KCNT2: variants seen among roughly 807,000 people sequenced by gnomAD.
KCNT2 encodes the protein potassium channel subfamily T member 2.
KCNT2 carries 67 observed loss-of-function variants against 153.8 expected under a neutral mutation model. The observed-to-expected ratio is 0.44, with a 90% confidence interval of 0.36 to 0.53. KCNT2 has a LOEUF of 0.53. KCNT2 is among the 20% of genes least tolerant of loss of function. The pLI is 0.00. For missense variants in KCNT2, 975 were observed against 1,354.8 expected (o/e 0.72, Z 4.40); for synonymous variants, 500 against 458.8 (o/e 1.09, Z -1.15).
chr1:196,597,298 A>T (rs1441001231), intron 1 of KCNT2, among the ~76,000 whole-genome samples: 1 of 152,106 alleles, frequency 6.6e-6, no homozygotes, highest in African/African-American at 2.4e-5. Flanking sequence ...GGAAGATTAC[A>T]TGAAAGACTG....
intron 16 of KCNT2, among the ~76,000 whole-genome samples, chr1:196,336,094 A>C (rs547823502): frequency 6.6e-6 from 1 of 152,102 alleles, no homozygotes; most frequent in South Asian, 2.1e-4. Context: ...GAATACACCC[A>C]GACAGTTTAG....
chr1:196,334,483 C>CTTTATTTTTTTTTTTTTTTTTT (rs757677685), intron 16 of KCNT2, among the ~76,000 whole-genome samples: 1 of 42,340 alleles, frequency 2.4e-5, no homozygotes, highest in Non-Finnish European at 3.9e-5. Context: ...TTCTTTCTTT[C>CTTTATTTTTTTTTTTTTTTTTT]TTTCTTTTTT....
At chr1:196,289,588 G>A (rs546516892) in intron 22 of KCNT2, among the ~76,000 whole-genome samples, 105 of 152,146 alleles carry the variant, frequency 6.9e-4, no homozygotes, top group Admixed American at 2.6e-3. Flanking sequence ...AGAAACAAAC[G>A]TTCGAGGTTC....
chr1:196,398,737 T>G, intron 12 of KCNT2, 66 bp from the exon 13 acceptor site: 2 of 851,430 alleles, frequency 2.3e-6, no homozygotes, highest in Non-Finnish European at 3.7e-6. Context: ...AAAGTAAAAG[T>G]AAGCAATCAG....
chr1:196,368,864 T>C (rs995202029), intron 14 of KCNT2, among the ~76,000 whole-genome samples: 1 of 152,138 alleles, frequency 6.6e-6, no homozygotes, highest in Non-Finnish European at 1.5e-5. Context: ...ACATTATGTC[T>C]TCATCAGAAA....
At chr1:196,298,354 C>T (rs981895743) in intron 22 of KCNT2, among the ~76,000 whole-genome samples, 6 of 152,148 alleles carry the variant, frequency 3.9e-5, no homozygotes, top group Non-Finnish European at 8.8e-5. Context: ...TTTGGGGCTT[C>T]CCATAAACCC....
At chr1:196,555,496 T>A (rs1036614988) in intron 1 of KCNT2, among the ~76,000 whole-genome samples, 1 of 150,852 alleles carries the variant, frequency 6.6e-6, no homozygotes, top group African/African-American at 2.4e-5. Context: ...TGTAAGAAAT[T>A]AAAGAGGACA....
intron 1 of KCNT2, among the ~76,000 whole-genome samples, chr1:196,568,519 C>G (rs1378486836): frequency 6.6e-6 from 1 of 151,592 alleles, no homozygotes; most frequent in East Asian, 1.9e-4. Context: ...TGGAGTGAAC[C>G]CGGGAAGCGG....
intron 3 of KCNT2, among the ~76,000 whole-genome samples, chr1:196,485,212 C>A (rs1679324248): frequency 6.6e-6 from 1 of 151,850 alleles, no homozygotes; most frequent in African/African-American, 2.4e-5. Flanking sequence ...AACCAAACAC[C>A]ACATATTCTC....
intron 7 of KCNT2, among the ~76,000 whole-genome samples, chr1:196,466,575 C>A (rs369587724): frequency 6.6e-6 from 1 of 151,900 alleles, no homozygotes; most frequent in Admixed American, 6.6e-5. Context: ...TAATATTGAG[C>A]CCTTACTTTG....
At chr1:196,404,768 A>T (rs1429012599) in intron 12 of KCNT2, among the ~76,000 whole-genome samples, 1 of 151,670 alleles carries the variant, frequency 6.6e-6, no homozygotes, top group East Asian at 1.9e-4. Context: ...GGCAAGGGCC[A>T]TGTCTACATT....
intron 8 of KCNT2, among the ~76,000 whole-genome samples, chr1:196,449,082 A>T (rs1433650655): frequency 6.6e-6 from 1 of 151,714 alleles, no homozygotes; most frequent in Non-Finnish European, 1.5e-5. Context: ...GCAAACAAAC[A>T]AACAAACAAA....
intron 8 of KCNT2, among the ~76,000 whole-genome samples, chr1:196,431,182 AAT>A (rs1339020044): frequency 6.6e-6 from 1 of 152,152 alleles, no homozygotes; most frequent in Non-Finnish European, 1.5e-5. Flanking sequence ...AACTGTGAGA[AAT>A]ATGTTTCTGT....
chr1:196,269,783 A>T lies in KCNT2; in HGVS notation c.2910+11077T>A, dbSNP rs544298737. ...ATGGCGGAAGTTTCAAATACAGGTCATGCATCTTGCATTCATACAAGTATG... is the reference window on the plus strand; with the variant it reads ...ATGGCGGAAGTTTCAAATACAGGTCTTGCATCTTGCATTCATACAAGTATG... On this transcript the variant is annotated intron_variant, in intron 25 of 27. Coordinates refer to ENST00000294725, the MANE Select transcript of KCNT2 (RefSeq NM_198503.5). Among the ~76,000 whole-genome samples, 11 of 152,254 alleles carry T rather than the reference A, an allele frequency of 7.2e-5. No homozygotes were observed. In the South Asian group the frequency reaches 2.3e-3, roughly 32 times the overall value.
chr1:196,281,834 G>A (rs967690951), intron 24 of KCNT2, among the ~76,000 whole-genome samples: 2 of 150,870 alleles, frequency 1.3e-5, no homozygotes, highest in Non-Finnish European at 2.9e-5. Context: ...TCGGCTCACT[G>A]CAAGCTCTGC....
chr1:196,342,333 G>T, intron 14 of KCNT2, 105 bp from the exon 15 acceptor site: 1 of 896,232 alleles, frequency 1.1e-6, no homozygotes, highest in Non-Finnish European at 1.6e-6. Flanking sequence ...GTAAGAACTG[G>T]CAAGCACAAT....
At chr1:196,517,658 G>C (rs1652765086) in intron 1 of KCNT2, among the ~76,000 whole-genome samples, 1 of 152,112 alleles carries the variant, frequency 6.6e-6, no homozygotes, top group Non-Finnish European at 1.5e-5. Context: ...AGAACAAGCT[G>C]AGGAAAGAAT....
chr1:196,450,182 AG>A (rs1400564966), intron 8 of KCNT2, among the ~76,000 whole-genome samples: 1 of 151,870 alleles, frequency 6.6e-6, no homozygotes, highest in African/African-American at 2.4e-5. Flanking sequence ...CCATAGGTGA[AG>A]ACCCTATCTA....
intron 8 of KCNT2, among the ~76,000 whole-genome samples, chr1:196,453,525 A>G (rs993366325): frequency 3.1e-4 from 47 of 151,938 alleles, no homozygotes; most frequent in African/African-American, 1.1e-3. Flanking sequence ...TCCAATAGAC[A>G]GTAATTTTTG....
Sources: allele counts gnomAD v4.1 joint callset (sites outside exome capture counted in the v4.1 genomes callset), GRCh38; gene constraint gnomAD v4.1.1; transcripts MANE v1.5; gene names NCBI Gene and HGNC (gene_info 2026-07-23, HGNC 2026-07-21).